SHISA9: variants seen among roughly 807,000 people sequenced by gnomAD.
The protein encoded by SHISA9 is shisa family member 9, also known as protein shisa-9.
A neutral mutation model predicts 38.0 loss-of-function variants in SHISA9; 13 were observed. That is an observed-to-expected ratio of 0.34 (90% confidence interval 0.22 to 0.54). The LOEUF (loss-of-function observed/expected upper bound fraction) is 0.54. Ranked by LOEUF, SHISA9 falls within the 20% of genes least tolerant of loss-of-function variation. The pLI, the probability that SHISA9 is intolerant of heterozygous loss-of-function variation, is 0.91. For synonymous variants in SHISA9, 275 were observed against 242.0 expected (o/e 1.14, Z -1.27); for missense variants, 538 against 575.8 (o/e 0.93, Z 0.67).
chr16:13,248,406 C>T, the SHISA9 span, among the ~76,000 whole-genome samples: 2 of 152,094 alleles, frequency 1.3e-5, no homozygotes, highest in African/African-American at 4.8e-5. Flanking sequence ...AGAAGATGAA[C>T]AATAGAAAGC....
intron 2 of SHISA9, among the ~76,000 whole-genome samples, chr16:12,945,971 G>A (rs1306794307): frequency 1.3e-5 from 2 of 152,218 alleles, no homozygotes; most frequent in African/African-American, 4.8e-5. Flanking sequence ...AGCCGGATGT[G>A]GTGGTGCACA....
At chr16:13,282,544 T>C in the SHISA9 span, among the ~76,000 whole-genome samples, 2 of 152,090 alleles carry the variant, frequency 1.3e-5, no homozygotes, top group South Asian at 4.1e-4. Context: ...TTTTGTGAAA[T>C]GTTTAGCTAT....
chr16:13,054,738 C>T (rs1023214911), intron 2 of SHISA9, among the ~76,000 whole-genome samples: 3 of 152,180 alleles, frequency 2.0e-5, no homozygotes, highest in East Asian at 3.9e-4. Flanking sequence ...ATCTTTAACA[C>T]GGGCTGCTTC....
chr16:13,414,799 T>C, the SHISA9 span, among the ~76,000 whole-genome samples: 1 of 151,968 alleles, frequency 6.6e-6, no homozygotes, highest in African/African-American at 2.4e-5. Flanking sequence ...GTCTGGCTAA[T>C]TTTTTGTATT....
chr16:13,470,270 G>C, the SHISA9 span, among the ~76,000 whole-genome samples: 2 of 152,158 alleles, frequency 1.3e-5, no homozygotes, highest in Non-Finnish European at 2.9e-5. Flanking sequence ...ATAAAAGTTT[G>C]CAATCCAAGG....
intron 2 of SHISA9, among the ~76,000 whole-genome samples, chr16:13,028,174 G>A (rs1272341468): frequency 1.3e-5 from 2 of 151,982 alleles, no homozygotes; most frequent in African/African-American, 4.8e-5. Context: ...TGATCAAACT[G>A]TGTACTTAAC....
At chr16:13,028,398 T>A (rs892890173) in intron 2 of SHISA9, among the ~76,000 whole-genome samples, 1 of 151,972 alleles carries the variant, frequency 6.6e-6, no homozygotes, top group African/African-American at 2.4e-5. Flanking sequence ...AGAGGTTGAA[T>A]GGACTCACAG....
At chr16:13,290,870 T>C in the SHISA9 span, among the ~76,000 whole-genome samples, 1 of 152,194 alleles carries the variant, frequency 6.6e-6, no homozygotes, top group Admixed American at 6.5e-5. Flanking sequence ...TACTCGCTTA[T>C]AAACACACAG....
intron 2 of SHISA9, among the ~76,000 whole-genome samples, chr16:12,942,975 G>C (rs1250713782): frequency 6.6e-6 from 1 of 152,082 alleles, no homozygotes; most frequent in African/African-American, 2.4e-5. Flanking sequence ...TTAGTTTTCA[G>C]ACAGGCTCTT....
At position 13,235,490 on chromosome 16, in the gene SHISA9, C is replaced by G; in HGVS notation, c.*81C>G. On this transcript the variant is annotated 3_prime_UTR_variant, in exon 5 of 5. Transcript: ENST00000558583. Reference sequence around the variant, plus strand: ...CAACCCCGCCCACACCCTCCCCATCCTCCCCTAATACATGCGTCCACACAC... The same window carrying G: ...CAACCCCGCCCACACCCTCCCCATCGTCCCCTAATACATGCGTCCACACAC... 1 of 1,427,022 alleles carries G rather than the reference C, an allele frequency of 7.0e-7. No individual in the cohort carries two copies. Among genetic ancestry groups the G allele is most frequent in the Middle Eastern group, 1.8e-4 (1 of 5,434 alleles). 88.4% of individuals were successfully genotyped at this position (1,427,022 alleles called of 1,614,324 possible). A position where few individuals can be genotyped will look rare whatever the true frequency, so the allele number is the denominator to read the frequency against.
the SHISA9 span, among the ~76,000 whole-genome samples, chr16:13,398,015 C>T: frequency 1.3e-5 from 2 of 152,168 alleles, no homozygotes; most frequent in Non-Finnish European, 2.9e-5. Context: ...CCTCTGACTG[C>T]CCTGGCCAAA....
At chr16:13,093,557 G>A (rs79853459) in intron 2 of SHISA9, among the ~76,000 whole-genome samples, 2,244 of 152,192 alleles carry the variant, frequency 0.015, 46 homozygotes, top group African/African-American at 0.05. Flanking sequence ...TATGAGAGGT[G>A]GGGGGAGTGG....
intron 2 of SHISA9, among the ~76,000 whole-genome samples, chr16:12,946,577 G>A (rs1596543693): frequency 6.6e-6 from 1 of 152,208 alleles, no homozygotes; most frequent in Non-Finnish European, 1.5e-5. Flanking sequence ...AGAAAGTTCT[G>A]GAACATGGAT....
At chr16:13,242,653 A>T (rs1170178356), downstream of SHISA9, among the ~76,000 whole-genome samples, 2 of 152,182 alleles carry the variant, frequency 1.3e-5, no homozygotes, top group African/African-American at 4.8e-5. Context: ...GTGCCTTGAA[A>T]CTATCCTTTC....
chr16:12,923,534 AAAG>A (rs987580110), intron 2 of SHISA9, among the ~76,000 whole-genome samples: 35 of 152,264 alleles, frequency 2.3e-4, no homozygotes, highest in African/African-American at 7.2e-4. Flanking sequence ...TCTCAAAAAA[AAAG>A]AAGAAGAAAT....
At chr16:13,223,645 C>T (rs547655423) in intron 4 of SHISA9, among the ~76,000 whole-genome samples, 26 of 152,100 alleles carry the variant, frequency 1.7e-4, no homozygotes, top group East Asian at 7.8e-4. Flanking sequence ...TCTCATGCTG[C>T]GAATAAAGAT....
chr16:13,452,131 G>A, the SHISA9 span, among the ~76,000 whole-genome samples: 1 of 152,152 alleles, frequency 6.6e-6, no homozygotes, highest in African/African-American at 2.4e-5. Context: ...CCTGGGGCTG[G>A]GGCCATTTTT....
At chr16:13,102,957 G>A (rs1048874698) in intron 2 of SHISA9, among the ~76,000 whole-genome samples, 12 of 152,172 alleles carry the variant, frequency 7.9e-5, no homozygotes, top group Non-Finnish European at 1.3e-4. Context: ...TTCCTCATAG[G>A]CTATGCATAT....
At chr16:12,948,669 A>C (rs779048269) in intron 2 of SHISA9, among the ~76,000 whole-genome samples, 10 of 152,156 alleles carry the variant, frequency 6.6e-5, no homozygotes, top group Non-Finnish European at 1.3e-4. Context: ...TGTCTCATAC[A>C]GGCATTAATC....
Sources: allele counts gnomAD v4.1 joint callset (sites outside exome capture counted in the v4.1 genomes callset), GRCh38; gene constraint gnomAD v4.1.1; transcripts MANE v1.5; gene names NCBI Gene and HGNC (gene_info 2026-07-23, HGNC 2026-07-21).